Variants in OSTN observed in about 807,000 individuals in gnomAD.
The protein encoded by OSTN is osteocrin.
Under a neutral mutation model 12.0 loss-of-function variants are expected in OSTN, and 9 were observed. The ratio of observed to expected loss-of-function variants is 0.75; its 90% CI spans 0.45 to 1.30. OSTN has a LOEUF of 1.30. OSTN is among the 50% of genes most tolerant of loss of function. The pLI, the probability that OSTN is intolerant of heterozygous loss-of-function variation, is 0.00. For missense variants in OSTN, 148 were observed against 152.3 expected, an observed-to-expected ratio of 0.97 and a Z score of 0.15; for synonymous variants, 59 against 56.9, an observed-to-expected ratio of 1.04 and a Z score of -0.16.
At chr3:191,244,992 T>C (rs890379156) in intron 3 of OSTN, among the ~76,000 whole-genome samples, 1 of 152,160 alleles carries the variant, frequency 6.6e-6, no homozygotes, top group Non-Finnish European at 1.5e-5. Flanking sequence ...CCTATGGTGT[T>C]TCTGGAAGGT....
intron 4 of OSTN, among the ~76,000 whole-genome samples, chr3:191,253,591 G>A (rs1279165202): frequency 3.9e-5 from 6 of 152,220 alleles, no homozygotes; most frequent in Admixed American, 3.3e-4. Flanking sequence ...TTTCAAGACA[G>A]GCTATGGGAG....
chr3:191,224,194 A>G (rs540055540), intron 3 of OSTN, among the ~76,000 whole-genome samples: 29 of 152,164 alleles, frequency 1.9e-4, no homozygotes, highest in African/African-American at 6.7e-4. Flanking sequence ...CCTGACCGAC[A>G]TGGAAAAACC....
intron 3 of OSTN, among the ~76,000 whole-genome samples, chr3:191,243,099 C>A (rs9856820): frequency 0.42 from 63,318 of 151,962 alleles, 13,477 homozygotes; most frequent in Middle Eastern, 0.56. Flanking sequence ...ATTAAAACCA[C>A]AGTGGGATAT....
At chr3:191,214,057 G>A (rs1225297898) in intron 2 of OSTN, among the ~76,000 whole-genome samples, 1 of 152,056 alleles carries the variant, frequency 6.6e-6, no homozygotes, top group African/African-American at 2.4e-5. Context: ...TGAAAGATTT[G>A]TAATTTTCTT....
chr3:191,227,744 G>T (rs1714949022), intron 3 of OSTN, among the ~76,000 whole-genome samples: 1 of 152,044 alleles, frequency 6.6e-6, no homozygotes, highest in African/African-American at 2.4e-5. Context: ...GACCATCTGG[G>T]CATTAGGGTT....
At position 191,206,699 on chromosome 3, in the gene OSTN, A is replaced by G. The variant is rs73070036; in HGVS notation, c.1-5834A>G. On this transcript the variant is annotated intron_variant, in intron 1 of 4. Transcript: ENST00000682035. ...CTAGAGAGGAAAGTGTTTGCCCAACATCACATCACTAAATAGCAACAGAGG... is the reference window on the plus strand; with the variant it reads ...CTAGAGAGGAAAGTGTTTGCCCAACGTCACATCACTAAATAGCAACAGAGG... Among the ~76,000 whole-genome samples, 1,436 of 152,332 alleles carry G rather than the reference A, an allele frequency of 9.4e-3. 26 individuals are homozygous for G. The highest frequency in any genetic ancestry group is 0.033 in the African/African-American group (1,369 of 41,572).
At chr3:191,240,083 G>A (rs566551888) in intron 3 of OSTN, among the ~76,000 whole-genome samples, 1 of 152,176 alleles carries the variant, frequency 6.6e-6, no homozygotes, top group South Asian at 2.1e-4. Context: ...TCTGAATGTA[G>A]AATTGAGAAA....
intron 2 of OSTN, among the ~76,000 whole-genome samples, chr3:191,215,167 G>A (rs760440287): frequency 6.6e-5 from 10 of 152,142 alleles, no homozygotes; most frequent in Admixed American, 2.0e-4. Flanking sequence ...ACAAGGTGGC[G>A]GGAAGGAGAC....
At position 191,250,069 on chromosome 3, in the gene OSTN, G is replaced by T; in HGVS notation, c.350G>T (p.Gly117Val). The change falls in exon 4 of 5, where the codon GGT becomes GTT. Residue 117 changes from glycine to valine, a missense_variant. By Grantham distance (109) the Gly-to-Val change is moderately radical. Transcript: ENST00000682035. ...KVVDHPKRRF[G>V]IPMDRIGRNR... ...GTAGATCATCCAAAAAGGCGATTTG[G>T]TATCCCCATGGATCGGATTGGTAGA... The T allele has an allele frequency of 6.2e-7, 1 of 1,613,836 alleles. No homozygotes were observed.
chr3:191,259,597 T>C (rs937897729), intron 4 of OSTN, among the ~76,000 whole-genome samples: 2 of 151,448 alleles, frequency 1.3e-5, no homozygotes, highest in Non-Finnish European at 2.9e-5. Flanking sequence ...TCCAAAGAAA[T>C]AAATGACCAC....
At chr3:191,201,396 A>T (rs1232494793) in intron 1 of OSTN, among the ~76,000 whole-genome samples, 6 of 152,124 alleles carry the variant, frequency 3.9e-5, no homozygotes, top group Non-Finnish European at 5.9e-5. Flanking sequence ...ATTTTTAATG[A>T]TTGCTTCCTC....
rs138079861 is a variant in OSTN, at chr3:191,263,074, A to G, written c.*221A>G. The G allele has an allele frequency of 7.6e-5, 37 of 488,406 alleles. No homozygotes were observed. The East Asian group carries it at 9.0e-4, about 12-fold the overall frequency. The allele number at this position is 488,406 out of a possible 1,614,324, so 30.3% of individuals were successfully genotyped here. ...ATGCACGTACATTTTAAAATTATAT[A>G]TTTTAATTATTCAAGAATGGTTAAC... On this transcript the variant is annotated 3_prime_UTR_variant, in exon 5 of 5. Coordinates refer to ENST00000682035, the MANE Select transcript of OSTN (RefSeq NM_198184.2).
chr3:191,227,568 T>C (rs1576929818), intron 3 of OSTN, among the ~76,000 whole-genome samples: 2 of 152,298 alleles, frequency 1.3e-5, no homozygotes, highest in South Asian at 2.1e-4. Flanking sequence ...ACCATTTTTA[T>C]AAACTTTTTA....
At chr3:191,239,991 C>A (rs1715283865) in intron 3 of OSTN, among the ~76,000 whole-genome samples, 1 of 152,208 alleles carries the variant, frequency 6.6e-6, no homozygotes, top group African/African-American at 2.4e-5. Flanking sequence ...TAAAGACACA[C>A]TTTATGTTCA....
intron 1 of OSTN, among the ~76,000 whole-genome samples, chr3:191,204,983 T>A (rs1490444033): frequency 6.6e-6 from 1 of 152,202 alleles, no homozygotes; most frequent in Non-Finnish European, 1.5e-5. Flanking sequence ...GTTTACAAAG[T>A]GTTTCTACAT....
At chr3:191,204,548 A>G (rs1714225753) in intron 1 of OSTN, among the ~76,000 whole-genome samples, 1 of 152,176 alleles carries the variant, frequency 6.6e-6, no homozygotes, top group African/African-American at 2.4e-5. Context: ...ACACTCAGTT[A>G]TCTGGTTTGT....
intron 1 of OSTN, among the ~76,000 whole-genome samples, chr3:191,203,295 G>C (rs1377514160): frequency 6.6e-6 from 1 of 152,192 alleles, no homozygotes; most frequent in Non-Finnish European, 1.5e-5. Context: ...TGGTGAACAT[G>C]ACATGGTCTC....
At chr3:191,241,695 T>G (rs1715326182) in intron 3 of OSTN, among the ~76,000 whole-genome samples, 1 of 152,186 alleles carries the variant, frequency 6.6e-6, no homozygotes, top group African/African-American at 2.4e-5. Context: ...AAACACCTAT[T>G]AAGAACAATC....
chr3:191,208,038 A>C (rs1714323084), intron 1 of OSTN, among the ~76,000 whole-genome samples: 1 of 152,234 alleles, frequency 6.6e-6, no homozygotes. Flanking sequence ...AAGGACGTAC[A>C]CAGATAATCT....
Sources: allele counts gnomAD v4.1 joint callset (sites outside exome capture counted in the v4.1 genomes callset), GRCh38; gene constraint gnomAD v4.1.1; transcripts MANE v1.5; gene names NCBI Gene and HGNC (gene_info 2026-07-23, HGNC 2026-07-21).